Variants in PCDHGA1 observed in about 807,000 individuals in gnomAD.
PCDHGA1 encodes protocadherin gamma-A1.
Under a neutral mutation model 58.0 loss-of-function variants are expected in PCDHGA1, and 32 were observed. That is an observed-to-expected ratio of 0.55 (90% confidence interval 0.42 to 0.74). The LOEUF (loss-of-function observed/expected upper bound fraction) is 0.74. PCDHGA1 is among the 30% of genes least tolerant of loss of function. The pLI is 0.00. For synonymous variants in PCDHGA1, 498 were observed against 501.1 expected, an observed-to-expected ratio of 0.99 and a Z score of 0.08; for missense variants, 1,205 against 1,182.3, an observed-to-expected ratio of 1.02 and a Z score of -0.28.
chr5:141,374,856 G>A, intron 1 of PCDHGA1: 1 of 1,613,686 alleles, frequency 6.2e-7, no homozygotes, highest in South Asian at 1.1e-5. Flanking sequence ...CTGCCAGTAG[G>A]CACACCAGTG....
At chr5:141,350,520 T>A in intron 1 of PCDHGA1, 1 of 1,614,008 alleles carries the variant, frequency 6.2e-7, no homozygotes, top group Non-Finnish European at 8.5e-7. Flanking sequence ...AACGGTAGGA[T>A]AGATCGAGAG....
intron 1 of PCDHGA1, chr5:141,383,358 G>C (rs773383689): frequency 8.7e-6 from 14 of 1,613,864 alleles, no homozygotes; most frequent in Middle Eastern, 1.6e-4. Context: ...TTCGGTTTCC[G>C]TTAAGCGAGG....
chr5:141,412,898 C>T (rs1300324880), intron 1 of PCDHGA1: 2 of 361,136 alleles, frequency 5.5e-6, no homozygotes, highest in Non-Finnish European at 9.8e-6. Context: ...AGTTTACTTT[C>T]CATTGCATGT....
intron 1 of PCDHGA1, chr5:141,408,193 C>T (rs1280310689): frequency 6.5e-7 from 1 of 1,545,210 alleles, no homozygotes; most frequent in Non-Finnish European, 8.7e-7. Flanking sequence ...AGCGAGAACC[C>T]GAGCGAACGA....
chr5:141,382,401 A>C (rs1778173427), intron 1 of PCDHGA1, among the ~76,000 whole-genome samples: 1 of 152,232 alleles, frequency 6.6e-6, no homozygotes, highest in Non-Finnish European at 1.5e-5. Context: ...TCCCATGTGC[A>C]ATAACGTGTG....
At chr5:141,400,316 A>C in intron 1 of PCDHGA1, 1 of 1,614,042 alleles carries the variant, frequency 6.2e-7, no homozygotes. Flanking sequence ...CTCTGTGTCA[A>C]GTCTGGACCT....
intron 1 of PCDHGA1, chr5:141,345,922 G>T (rs1465495058): frequency 1.2e-6 from 2 of 1,613,412 alleles, no homozygotes; most frequent in Non-Finnish European, 1.7e-6. Flanking sequence ...CGCACGGCGC[G>T]AGCCCTGCTG....
chr5:141,423,624 T>A (rs756883871), intron 1 of PCDHGA1: 9 of 1,607,038 alleles, frequency 5.6e-6, no homozygotes, highest in African/African-American at 1.3e-5. Flanking sequence ...AAGACTCAGC[T>A]ATCATTTTAG....
At chr5:141,362,011 G>A (rs1294882056) in intron 1 of PCDHGA1, 7 of 1,606,172 alleles carry the variant, frequency 4.4e-6, no homozygotes, top group African/African-American at 1.3e-5. Context: ...CACGGGTGAG[G>A]TGCGCACAGC....
chr5:141,346,665 A>T (rs1561492694), intron 1 of PCDHGA1: 2 of 717,104 alleles, frequency 2.8e-6, no homozygotes, highest in Non-Finnish European at 4.6e-6. Flanking sequence ...AAAAAATAAT[A>T]CATCGTGAGT....
chr5:141,331,734 C>T lies in PCDHGA1; in HGVS notation c.1050C>T (p.Thr350=), dbSNP rs756748868. 3 of 1,614,084 alleles carry T rather than the reference C, an allele frequency of 1.9e-6. No homozygotes were observed. The highest frequency in any genetic ancestry group is 2.5e-6 in the Non-Finnish European group (3 of 1,179,988). The change falls in exon 1 of 4, where the codon ACC becomes ACT. Residue 350 remains threonine, a synonymous_variant. Coordinates refer to ENST00000517417, the MANE Select transcript of PCDHGA1 (RefSeq NM_018912.3). ...ATAATGCCCCAGAAGTGACCATCAC[C>T]TCTGTCACCACTGCAGTTCCAGAAA... ...VNDNAPEVTI[T]SVTTAVPENF...
intron 1 of PCDHGA1, chr5:141,423,696 T>A: frequency 4.0e-6 from 6 of 1,492,822 alleles, no homozygotes; most frequent in Non-Finnish European, 5.3e-6. Flanking sequence ...ATTGTTGGTG[T>A]CTTGGCACAA....
At chr5:141,426,775 A>G (rs2096959432) in intron 1 of PCDHGA1, 1 of 456,496 alleles carries the variant, frequency 2.2e-6, no homozygotes, top group South Asian at 1.5e-5. Context: ...GTAGGGCCTC[A>G]CTCTCTCCAG....
In PCDHGA1 at chr5:141,400,299, A is replaced by G. The variant is rs374558900; in HGVS notation, c.2421+67194A>G. The G allele has an allele frequency of 9.8e-5, 158 of 1,613,834 alleles. 1 individual carries two copies. In the East Asian group the frequency reaches 1.2e-3, roughly 12 times the overall value. ...GCCCTGCCGCCTGGAGCTGCTTCCAACCTGGTCTCTGTGTCAAGTCTGGAC... is the reference window on the plus strand; with the variant it reads ...GCCCTGCCGCCTGGAGCTGCTTCCAGCCTGGTCTCTGTGTCAAGTCTGGAC... On this transcript the variant is annotated intron_variant, in intron 1 of 3. Coordinates refer to ENST00000517417, the MANE Select transcript of PCDHGA1 (RefSeq NM_018912.3).
At chr5:141,355,411 A>AG (rs1229708601) in intron 1 of PCDHGA1, 1 of 1,613,986 alleles carries the variant, frequency 6.2e-7, no homozygotes, top group Non-Finnish European at 8.5e-7. Flanking sequence ...CTCCAGAGGT[A>AG]GGACGCAGCT....
chr5:141,425,478 G>A (rs2096877750), intron 1 of PCDHGA1, among the ~76,000 whole-genome samples: 1 of 152,148 alleles, frequency 6.6e-6, no homozygotes, highest in Admixed American at 6.5e-5. Flanking sequence ...AATTCCTATG[G>A]CAACCTACTA....
intron 1 of PCDHGA1, chr5:141,409,204 C>A: frequency 6.2e-7 from 1 of 1,613,942 alleles, no homozygotes; most frequent in South Asian, 1.1e-5. Flanking sequence ...GTAAAGTAAT[C>A]ATAGAAATCC....
At chr5:141,506,191 C>T (rs932500250) in intron 3 of PCDHGA1, among the ~76,000 whole-genome samples, 8 of 152,182 alleles carry the variant, frequency 5.3e-5, no homozygotes, top group African/African-American at 1.9e-4. Flanking sequence ...TGGCTCACGC[C>T]TGTAATCCCA....
Position 141,356,319 on chromosome 5 carries a change from C to T in PCDHGA1, c.2421+23214C>T, listed in dbSNP as rs756397423. The T allele has an allele frequency of 3.5e-5, 55 of 1,554,034 alleles. No homozygotes were observed. The Admixed American group carries it at 9.8e-4, about 28-fold the overall frequency. On this transcript the variant is annotated intron_variant, in intron 1 of 3. Transcript: ENST00000517417. ...TAATTGCACTTTTCAACGTGCATGACAGTGACTCAGGAGGAAATGGCCTAG... is the reference window on the plus strand; with the variant it reads ...TAATTGCACTTTTCAACGTGCATGATAGTGACTCAGGAGGAAATGGCCTAG...
Sources: allele counts gnomAD v4.1 joint callset (sites outside exome capture counted in the v4.1 genomes callset), GRCh38; gene constraint gnomAD v4.1.1; transcripts MANE v1.5; gene names NCBI Gene and HGNC (gene_info 2026-07-23, HGNC 2026-07-21).